The following TTLL5 variants were observed in gnomAD, a reference collection of about 807,000 sequenced individuals.
The protein encoded by TTLL5 is tubulin tyrosine ligase like 5.
TTLL5 carries 132 observed loss-of-function variants against 168.4 expected under a neutral mutation model. The observed-to-expected ratio is 0.78, with a 90% CI of 0.68 to 0.91. TTLL5 has a LOEUF of 0.91. Ranked by LOEUF, TTLL5 falls within the 40% of genes least tolerant of loss-of-function variation. The pLI is 0.00. For missense variants in TTLL5, 1,545 were observed against 1,581.5 expected, an observed-to-expected ratio of 0.98 and a Z score of 0.39; for synonymous variants, 546 against 558.6, an observed-to-expected ratio of 0.98 and a Z score of 0.32.
At chr14:75,792,431 G>C (rs1160688930) in intron 26 of TTLL5, among the ~76,000 whole-genome samples, 1 of 151,256 alleles carries the variant, frequency 6.6e-6, no homozygotes, top group African/African-American at 2.4e-5. Context: ...GAAAATATAA[G>C]ATTATTGTTA....
chr14:75,950,344 A>C (rs2034922912), intron 31 of TTLL5, among the ~76,000 whole-genome samples: 1 of 152,246 alleles, frequency 6.6e-6, no homozygotes, highest in African/African-American at 2.4e-5. Context: ...CATTATAGTC[A>C]CGGTAAAAGG....
chr14:75,827,154 C>T (rs942368143), intron 28 of TTLL5, among the ~76,000 whole-genome samples: 1 of 152,164 alleles, frequency 6.6e-6, no homozygotes, highest in African/African-American at 2.4e-5. Flanking sequence ...GGTATAGGCT[C>T]TTAGTAGCTA....
At chr14:75,808,905 G>T (rs959980720) in intron 27 of TTLL5, among the ~76,000 whole-genome samples, 5 of 151,820 alleles carry the variant, frequency 3.3e-5, no homozygotes, top group African/African-American at 1.2e-4. Flanking sequence ...GATTATAGGT[G>T]TGTGCCACCA....
At chr14:75,708,941 A>G (rs1886848963) in intron 9 of TTLL5, among the ~76,000 whole-genome samples, 1 of 152,150 alleles carries the variant, frequency 6.6e-6, no homozygotes. Flanking sequence ...GCCATACCTA[A>G]AATACACTAA....
In TTLL5 at chr14:75,719,838, G is replaced by A; in HGVS notation, c.934+12G>A. 1 of 1,612,524 alleles carries A rather than the reference G, an allele frequency of 6.2e-7. No homozygotes were observed. Among genetic ancestry groups the A allele is most frequent in the Non-Finnish European group, 8.5e-7 (1 of 1,178,710 alleles). On this transcript the variant is annotated intron_variant, in intron 11 of 31. Coordinates refer to ENST00000298832, the MANE Select transcript of TTLL5 (RefSeq NM_015072.5). The stretch of plus-strand genomic sequence containing the variant: ...CAGAGATACAACCGGTGAGTACTGG[G>A]CCTTTTTCCTTCTTGACTTCTCTTC...
intron 27 of TTLL5, among the ~76,000 whole-genome samples, chr14:75,817,438 C>G (rs1053895639): frequency 1.3e-5 from 2 of 152,146 alleles, no homozygotes; most frequent in African/African-American, 4.8e-5. Flanking sequence ...TGCTCCTGAC[C>G]TATGGAAAAC....
intron 15 of TTLL5, among the ~76,000 whole-genome samples, chr14:75,737,941 C>T (rs1331295524): frequency 2.0e-5 from 3 of 152,086 alleles, no homozygotes; most frequent in African/African-American, 7.2e-5. Flanking sequence ...CACAAATGAA[C>T]TTCAATTTTT....
chr14:75,874,704 A>G (rs1409477899), intron 29 of TTLL5, among the ~76,000 whole-genome samples: 1 of 152,200 alleles, frequency 6.6e-6, no homozygotes, highest in Non-Finnish European at 1.5e-5. Context: ...TGAGGAAATT[A>G]TTTTAAGGAA....
intron 5 of TTLL5, 36 bp downstream of exon 5, chr14:75,683,692 G>C (rs145902584): frequency 5.0e-5 from 77 of 1,542,676 alleles, no homozygotes; most frequent in South Asian, 6.7e-5. Context: ...TTCATTTAAA[G>C]GTACATGACA....
chr14:75,717,974 G>A lies in TTLL5; in HGVS notation c.842+12G>A, dbSNP rs1887580112. On this transcript the variant is annotated intron_variant, in intron 10 of 31. Transcript: ENST00000298832. ...GGAGATTACGTCAGGTACTGGCTGT[G>A]TCTGAGCCAGAAGTCAGAGGTGTCA... 1 of 1,611,552 alleles carries A rather than the reference G, an allele frequency of 6.2e-7. No individual in the cohort carries two copies. Among genetic ancestry groups the A allele is most frequent in the Non-Finnish European group, 8.5e-7 (1 of 1,178,930 alleles).
At chr14:75,801,274 C>T (rs990958409) in intron 27 of TTLL5, among the ~76,000 whole-genome samples, 2 of 152,046 alleles carry the variant, frequency 1.3e-5, no homozygotes, top group East Asian at 3.9e-4. Flanking sequence ...ATGGCTGCCC[C>T]TGCTGCATCA....
chr14:75,815,174 C>T (rs1176856871), intron 27 of TTLL5, among the ~76,000 whole-genome samples: 3 of 152,052 alleles, frequency 2.0e-5, no homozygotes, highest in Non-Finnish European at 4.4e-5. Flanking sequence ...TGCTGAGTGT[C>T]TTCTAGACAA....
At chr14:75,887,107 T>G in intron 30 of TTLL5, 1 of 1,122,808 alleles carries the variant, frequency 8.9e-7, no homozygotes, top group Non-Finnish European at 1.1e-6. Context: ...GACTGTTCTG[T>G]GTCAGCACCC....
At chr14:75,915,107 C>T (rs930639236) in intron 31 of TTLL5, among the ~76,000 whole-genome samples, 48 of 151,542 alleles carry the variant, frequency 3.2e-4, no homozygotes, top group African/African-American at 1.1e-3. Context: ...CTTTTTTTTT[C>T]TCCCCTCTAC....
chr14:75,868,101 G>T (rs373608728), intron 29 of TTLL5, among the ~76,000 whole-genome samples: 5 of 152,052 alleles, frequency 3.3e-5, no homozygotes, highest in Admixed American at 3.3e-4. Context: ...TATTCTTGGC[G>T]CAGGACAGAG....
intron 12 of TTLL5, among the ~76,000 whole-genome samples, chr14:75,726,752 A>G (rs1888208734): frequency 6.6e-6 from 1 of 152,192 alleles, no homozygotes; most frequent in Admixed American, 6.5e-5. Context: ...AGATAGGGTT[A>G]TGGAGGTGGA....
At chr14:75,763,661 T>C (rs1349245010) in intron 18 of TTLL5, among the ~76,000 whole-genome samples, 2 of 152,206 alleles carry the variant, frequency 1.3e-5, no homozygotes, top group African/African-American at 4.8e-5. Flanking sequence ...GATACTGCTT[T>C]TCTGACCTGG....
At position 75,827,824 on chromosome 14, in the gene TTLL5, G is replaced by T. The variant is rs567224489; in HGVS notation, c.3326+7663G>T. ...AGCCTCTGCCTCCTCAGGCTCAAGC[G>T]ATCCTCCCTCAGCCTCCCAAGTAGC... On this transcript the variant is annotated intron_variant, in intron 28 of 31. Transcript: ENST00000298832. Among the ~76,000 whole-genome samples, 7 of 139,130 alleles carry T rather than the reference G, an allele frequency of 5.0e-5. No homozygotes were observed. The South Asian group carries it at 1.7e-3, about 34-fold the overall frequency. 91.3% of individuals were successfully genotyped at this position (139,130 alleles called of 152,430 possible). A position where few individuals can be genotyped will look rare whatever the true frequency, so the allele number is the denominator to read the frequency against.
intron 31 of TTLL5, among the ~76,000 whole-genome samples, chr14:75,926,156 C>CCTTTTT (rs2034057149): frequency 3.3e-5 from 1 of 29,952 alleles, no homozygotes; most frequent in Non-Finnish European, 5.2e-5. Context: ...GCAACCCCAG[C>CCTTTTT]TTTTTTTTTT....
Sources: gnomAD v4.1 joint callset for allele counts (sites outside exome capture counted in the v4.1 genomes callset) on GRCh38, gnomAD v4.1.1 for gene constraint, MANE v1.5 for transcripts, NCBI Gene and HGNC (gene_info 2026-07-23, HGNC 2026-07-21) for gene names.